C12orf54: variants seen among roughly 807,000 people sequenced by gnomAD.
C12orf54 encodes the protein chromosome 12 open reading frame 54, also known as uncharacterized protein C12orf54.
C12orf54 carries 24 observed loss-of-function variants against 26.4 expected under a neutral mutation model. The observed-to-expected ratio is 0.91, with a 90% CI of 0.66 to 1.28. The LOEUF (loss-of-function observed/expected upper bound fraction) is 1.28, where lower values mean the gene tolerates loss of function less well. Ranked by LOEUF, C12orf54 falls within the 50% of genes most tolerant of loss-of-function variation. The probability of loss-of-function intolerance (pLI) is 0.00; values close to 1 mark genes in which losing one functional copy is unlikely to be tolerated. For missense variants in C12orf54, 154 were observed against 150.9 expected (o/e 1.02, Z -0.11); for synonymous variants, 54 against 47.0 (o/e 1.15, Z -0.61).
chr12:48,487,651 G>A (rs972232228), intron 4 of C12orf54, among the ~76,000 whole-genome samples: 2 of 152,052 alleles, frequency 1.3e-5, no homozygotes, highest in Non-Finnish European at 2.9e-5. Flanking sequence ...TAAACAAAGG[G>A]CAATGAATTG....
upstream of C12orf54, among the ~76,000 whole-genome samples, chr12:48,479,156 T>C (rs545163095): frequency 1.3e-3 from 194 of 152,282 alleles, no homozygotes; most frequent in African/African-American, 4.2e-3. Flanking sequence ...ATGTGGCACA[T>C]ATGCACCATG....
the C12orf54 span, among the ~76,000 whole-genome samples, chr12:48,441,602 A>G: frequency 6.6e-6 from 1 of 152,162 alleles, no homozygotes. Context: ...GGATTTGGGG[A>G]TTCCATGATT....
chr12:48,468,517 C>T, the C12orf54 span, among the ~76,000 whole-genome samples: 2 of 152,132 alleles, frequency 1.3e-5, no homozygotes, highest in Admixed American at 6.6e-5. Context: ...TTACAAGAGA[C>T]ACATTTTATG....
At chr12:48,451,361 T>G in the C12orf54 span, among the ~76,000 whole-genome samples, 3 of 151,728 alleles carry the variant, frequency 2.0e-5, no homozygotes, top group South Asian at 4.2e-4. Flanking sequence ...GGGCCACATA[T>G]GACAAACCCA....
chr12:48,466,493 C>A, the C12orf54 span, among the ~76,000 whole-genome samples: 1 of 151,594 alleles, frequency 6.6e-6, no homozygotes, highest in Non-Finnish European at 1.5e-5. Context: ...TGCAGTGAGC[C>A]AAGATCGAGC....
chr12:48,439,341 G>A, the C12orf54 span, among the ~76,000 whole-genome samples: 3 of 152,162 alleles, frequency 2.0e-5, no homozygotes, highest in Non-Finnish European at 4.4e-5. Flanking sequence ...TCAGTGTGGC[G>A]ATTCCTCAGG....
chr12:48,472,641 G>C, the C12orf54 span: 18 of 1,613,512 alleles, frequency 1.1e-5, no homozygotes, highest in Non-Finnish European at 1.4e-5. Flanking sequence ...TGGCTCAGGA[G>C]CCTCTGCAGA....
the C12orf54 span, among the ~76,000 whole-genome samples, chr12:48,450,978 G>A: frequency 6.6e-6 from 1 of 152,062 alleles, no homozygotes; most frequent in African/African-American, 2.4e-5. Context: ...CTCATTCTAT[G>A]AGGCCAGCAT....
At chr12:48,473,301 G>A in the C12orf54 span, 1 of 1,133,518 alleles carries the variant, frequency 8.8e-7, no homozygotes, top group African/African-American at 1.5e-5. Context: ...GAAGGATGAA[G>A]GTTATAACAA....
At chr12:48,457,271 T>TTTG in the C12orf54 span, among the ~76,000 whole-genome samples, 26 of 133,124 alleles carry the variant, frequency 2.0e-4, no homozygotes, top group South Asian at 8.0e-4. Flanking sequence ...CAAGCAGTTT[T>TTTG]TTGTTGTTGT....
At chr12:48,457,277 GTT>G in the C12orf54 span, among the ~76,000 whole-genome samples, 27 of 139,718 alleles carry the variant, frequency 1.9e-4, no homozygotes, top group East Asian at 2.5e-3. Context: ...GTTTTTTGTT[GTT>G]GTTGTTGGTG....
At chr12:48,476,174 C>A in the C12orf54 span, among the ~76,000 whole-genome samples, 4 of 152,222 alleles carry the variant, frequency 2.6e-5, no homozygotes, top group African/African-American at 2.4e-5. Context: ...GAAATAAAAT[C>A]CTTTACAGAC....
chr12:48,437,173 C>A, the C12orf54 span, among the ~76,000 whole-genome samples: 9 of 152,314 alleles, frequency 5.9e-5, no homozygotes, highest in African/African-American at 2.2e-4. Context: ...AATTCCTGGA[C>A]ACATACATCC....
At chr12:48,420,589 A>G in the C12orf54 span, among the ~76,000 whole-genome samples, 2 of 152,216 alleles carry the variant, frequency 1.3e-5, no homozygotes, top group Non-Finnish European at 2.9e-5. Flanking sequence ...TCTATCTCCC[A>G]GTCTCTGTGG....
At chr12:48,481,214 A>ATT (rs775584157), upstream of C12orf54, among the ~76,000 whole-genome samples, 21,752 of 151,138 alleles carry the variant, frequency 0.14, 2,669 homozygotes, top group East Asian at 0.65. Context: ...TTTTTTTAAA[A>ATT]AAAATGACTT....
upstream of C12orf54, among the ~76,000 whole-genome samples, chr12:48,479,310 A>C (rs975265122): frequency 4.6e-5 from 7 of 152,172 alleles, no homozygotes; most frequent in African/African-American, 1.4e-4. Context: ...GGAATTGAAC[A>C]ATGAGAACAC....
the C12orf54 span, among the ~76,000 whole-genome samples, chr12:48,424,992 A>C: frequency 1.8e-3 from 268 of 152,198 alleles, 12 homozygotes; most frequent in South Asian, 0.054. Flanking sequence ...ACATATATAC[A>C]TTTTTCAAAA....
At chr12:48,491,429 G>A (rs1189668501) in intron 6 of C12orf54, among the ~76,000 whole-genome samples, 1 of 152,208 alleles carries the variant, frequency 6.6e-6, no homozygotes, top group East Asian at 1.9e-4. Context: ...TGGGGATTAG[G>A]TTTCAATATA....
At chr12:48,494,705 A>G (rs1266308679) in intron 7 of C12orf54, 93 bp from the exon 8 acceptor site, 2 of 1,351,494 alleles carry the variant, frequency 1.5e-6, no homozygotes, top group Admixed American at 3.9e-5. Flanking sequence ...GAGTGTAATA[A>G]TAGAATCTCT....
Sources: allele counts gnomAD v4.1 joint callset (sites outside exome capture counted in the v4.1 genomes callset), GRCh38; gene constraint gnomAD v4.1.1; transcripts MANE v1.5; gene names NCBI Gene and HGNC (gene_info 2026-07-23, HGNC 2026-07-21).